The following ERICH5 variants were observed in gnomAD, a reference collection of about 807,000 sequenced individuals.
ERICH5 encodes the protein glutamate rich 5.
Under a neutral mutation model 28.0 loss-of-function variants are expected in ERICH5, and 24 were observed. The observed-to-expected ratio is 0.86, with a 90% CI of 0.62 to 1.21. The LOEUF is 1.21. ERICH5 is among the 50% of genes most tolerant of loss of function. ERICH5 has a pLI of 0.00. For missense variants in ERICH5, 421 were observed against 441.2 expected, an observed-to-expected ratio of 0.95 and a Z score of 0.41; for synonymous variants, 163 against 157.6, an observed-to-expected ratio of 1.03 and a Z score of -0.25.
intron 1 of ERICH5, among the ~76,000 whole-genome samples, chr8:98,087,565 C>T (rs947441558): frequency 6.6e-6 from 1 of 152,104 alleles, no homozygotes; most frequent in Admixed American, 6.5e-5. Flanking sequence ...GACTTATTTT[C>T]TTCCAGCTTT....
At position 98,089,167 on chromosome 8, in the gene ERICH5, T is replaced by A; in HGVS notation, c.150T>A (p.Val50=). Residue 50 remains valine (V), a synonymous_variant, in exon 2 of 3, where the codon GTT becomes GTA. Coordinates refer to ENST00000318528, the MANE Select transcript of ERICH5 (RefSeq NM_173549.3). ...KPHALGREST[V]DGNVQRESRP... ...ATGCACTGGGAAGAGAATCTACTGT[T>A]GATGGCAATGTACAAAGGGAAAGCC... 5.6e-6 allele frequency: 9 copies of A among 1,614,206 alleles called. No individual in the cohort carries two copies. Among genetic ancestry groups the A allele is most frequent in the Non-Finnish European group, 7.6e-6 (9 of 1,180,048 alleles).
intron 1 of ERICH5, among the ~76,000 whole-genome samples, chr8:98,084,673 A>G (rs1815240545): frequency 6.6e-6 from 1 of 151,854 alleles, no homozygotes; most frequent in African/African-American, 2.4e-5. Flanking sequence ...GAGCCACCGC[A>G]CCCAGCTGGG....
intron 1 of ERICH5, 143 bp from the exon 2 acceptor site, chr8:98,088,933 A>G (rs1223878553): frequency 3.2e-6 from 2 of 630,388 alleles, no homozygotes; most frequent in Non-Finnish European, 5.5e-6. Flanking sequence ...GGGTCATGGT[A>G]TGGCCTTTCT....
rs1296283210 is a variant in ERICH5 at position 98,075,785 on chromosome 8, C to CTTTTTTTTTTTTTTTTTTTTTTTTTTT, written c.58+11077_58+11078insTTTTTTTTTTTTTTTTTTTTTTTTTTT. 2.4e-4 allele frequency among the ~76,000 whole-genome samples: 20 copies of CTTTTTTTTTTTTTTTTTTTTTTTTTTT among 81,640 alleles called. 2 individuals carry two copies. Among genetic ancestry groups the CTTTTTTTTTTTTTTTTTTTTTTTTTTT allele is most frequent in the African/African-American group, 8.3e-4 (18 of 21,710 alleles). The allele number at this position is 81,640 out of a possible 152,430, so 53.6% of individuals were successfully genotyped here. On this transcript the variant is annotated intron_variant, in intron 1 of 2. Transcript: ENST00000318528. ...TAACTCCCATCTCAAGCACACCTGC[C>CTTTTTTTTTTTTTTTTTTTTTTTTTTT]TTTTTTTTTTTTTTTTTTTGAGACA...
At position 98,089,205 on chromosome 8, in the gene ERICH5, A is replaced by C. The variant is rs1186773143; in HGVS notation, c.188A>C (p.Gln63Pro). The change falls in exon 2 of 3, where the codon CAA becomes CCA. Residue 63 changes from glutamine to proline, a missense_variant. Transcript: ENST00000318528. ...CAAAGGGAAAGCCGTCCTCCCTTACAAAAGCTCAAGGTTTCAGCAGAGCCT... is the reference window on the plus strand; with the variant it reads ...CAAAGGGAAAGCCGTCCTCCCTTACCAAAGCTCAAGGTTTCAGCAGAGCCT... ...NVQRESRPPL[Q>P]KLKVSAEPTA... 1 of 1,614,210 alleles carries C rather than the reference A, an allele frequency of 6.2e-7. No individual in the cohort carries two copies. The highest frequency in any genetic ancestry group is 8.5e-7 in the Non-Finnish European group (1 of 1,180,032).
At chr8:98,070,224 A>G (rs1357337103) in intron 1 of ERICH5, among the ~76,000 whole-genome samples, 2 of 152,156 alleles carry the variant, frequency 1.3e-5, no homozygotes, top group African/African-American at 4.8e-5. Flanking sequence ...GGCCTTACAC[A>G]TAGAACATAT....
chr8:98,071,603 A>G (rs550987000), intron 1 of ERICH5, among the ~76,000 whole-genome samples: 30 of 152,198 alleles, frequency 2.0e-4, no homozygotes, highest in Admixed American at 1.7e-3. Context: ...TCAGCCTCCT[A>G]AGGTGCTGGG....
In ERICH5 at chr8:98,089,617, T is replaced by C. The variant is rs1191836113; in HGVS notation, c.600T>C (p.Ala200=). 4 of 1,614,114 alleles carry C rather than the reference T, an allele frequency of 2.5e-6. No individual in the cohort carries two copies. Among genetic ancestry groups the C allele is most frequent in the Non-Finnish European group, 3.4e-6 (4 of 1,180,034 alleles). The change falls in exon 2 of 3, where the codon GCT becomes GCC. Residue 200 remains alanine (A), a synonymous_variant. Transcript: ENST00000318528. ...AGAACGTTCTGACTCTGCAAATAGC[T>C]GGAGAGCTACAACCTCAGGGCACAG... ...TTENVLTLQI[A]GELQPQGTVG...
chr8:98,076,203 G>A (rs1399709031), intron 1 of ERICH5, among the ~76,000 whole-genome samples: 3 of 152,004 alleles, frequency 2.0e-5, no homozygotes, highest in East Asian at 1.9e-4. Context: ...TCAGGCGCCC[G>A]CCACCATGCT....
chr8:98,086,361 C>T (rs567091651), intron 1 of ERICH5, among the ~76,000 whole-genome samples: 1 of 152,208 alleles, frequency 6.6e-6, no homozygotes, highest in South Asian at 2.1e-4. Context: ...CTTGGTACCT[C>T]AGTAAGTCCT....
At chr8:98,078,304 G>C (rs1815097507) in intron 1 of ERICH5, among the ~76,000 whole-genome samples, 1 of 152,166 alleles carries the variant, frequency 6.6e-6, no homozygotes, top group Non-Finnish European at 1.5e-5. Flanking sequence ...AAATGAGAAG[G>C]AAGATGAGTG....
intron 1 of ERICH5, among the ~76,000 whole-genome samples, chr8:98,087,095 C>T (rs1456206891): frequency 6.6e-6 from 1 of 152,074 alleles, no homozygotes; most frequent in African/African-American, 2.4e-5. Flanking sequence ...ATAATCCTAG[C>T]ACTCTGGGAA....
At chr8:98,082,224 T>C (rs1467777494) in intron 1 of ERICH5, among the ~76,000 whole-genome samples, 1 of 152,200 alleles carries the variant, frequency 6.6e-6, no homozygotes, top group Non-Finnish European at 1.5e-5. Flanking sequence ...ACAAAAAAAA[T>C]ATTAAAAGAC....
intron 1 of ERICH5, among the ~76,000 whole-genome samples, chr8:98,080,877 A>AT (rs199517035): frequency 0.021 from 3,150 of 151,726 alleles, 107 homozygotes; most frequent in African/African-American, 0.072. Context: ...TAATTTTTTA[A>AT]TTTTTTTAGA....
chr8:98,067,524 C>G (rs991394136), intron 1 of ERICH5, among the ~76,000 whole-genome samples: 2 of 151,784 alleles, frequency 1.3e-5, no homozygotes, highest in African/African-American at 4.8e-5. Context: ...CTGTTTTTGC[C>G]TCAGATCACT....
chr8:98,070,067 CT>C (rs1814883711), intron 1 of ERICH5, among the ~76,000 whole-genome samples: 1 of 152,234 alleles, frequency 6.6e-6, no homozygotes, highest in African/African-American at 2.4e-5. Context: ...GGTCTCAGAG[CT>C]AGTAGGTCTA....
At chr8:98,068,224 A>G (rs1375633155) in intron 1 of ERICH5, among the ~76,000 whole-genome samples, 1 of 152,106 alleles carries the variant, frequency 6.6e-6, no homozygotes, top group Non-Finnish European at 1.5e-5. Flanking sequence ...GGAATAATCT[A>G]TTCTACTGAT....
In ERICH5 at chr8:98,085,136, C is replaced by CTTTTTTT. The variant is rs760470751; in HGVS notation, c.59-3904_59-3898dup. On this transcript the variant is annotated intron_variant, in intron 1 of 2. Coordinates refer to ENST00000318528, the MANE Select transcript of ERICH5 (RefSeq NM_173549.3). Reference sequence around the variant, plus strand: ...TTCCCTGGTGTGAACGTTCCACAGCCTTTTTTTTTTTTTTTTTTTTTTTTT... The same window carrying CTTTTTTT: ...TTCCCTGGTGTGAACGTTCCACAGCCTTTTTTTTTTTTTTTTTTTTTTTTTTTTTTTT... 7.7e-4 allele frequency among the ~76,000 whole-genome samples: 44 copies of CTTTTTTT among 57,318 alleles called. 8 individuals carry two copies. The highest frequency in any genetic ancestry group is 1.4e-3 in the South Asian group (2 of 1,398). 37.6% of individuals were successfully genotyped at this position (57,318 alleles called of 152,430 possible).
At chr8:98,092,930 C>CA (rs1815432614) in intron 2 of ERICH5, among the ~76,000 whole-genome samples, 1 of 152,066 alleles carries the variant, frequency 6.6e-6, no homozygotes, top group South Asian at 2.1e-4. Context: ...CTTGTGCCAC[C>CA]ATGCCTAGCT....
Sources: gnomAD v4.1 joint callset for allele counts (sites outside exome capture counted in the v4.1 genomes callset) on GRCh38, gnomAD v4.1.1 for gene constraint, MANE v1.5 for transcripts, NCBI Gene and HGNC (gene_info 2026-07-23, HGNC 2026-07-21) for gene names.